Variants in ZNF385B observed in about 807,000 individuals in gnomAD.
ZNF385B encodes the protein zinc finger protein 533.
Under a neutral mutation model 39.2 loss-of-function variants are expected in ZNF385B, and 23 were observed. The ratio of observed to expected loss-of-function variants is 0.59; its 90% CI spans 0.42 to 0.83. The LOEUF is 0.83. Among genes scored for constraint, ZNF385B ranks in the 40% least tolerant of loss-of-function variants. ZNF385B has a pLI of 0.00. For synonymous variants in ZNF385B, 205 were observed against 222.6 expected (o/e 0.92, Z 0.70); for missense variants, 552 against 598.9 (o/e 0.92, Z 0.82).
intron 1 of ZNF385B, among the ~76,000 whole-genome samples, chr2:179,857,764 A>G (rs904215174): frequency 2.0e-5 from 3 of 152,210 alleles, no homozygotes; most frequent in Non-Finnish European, 4.4e-5. Flanking sequence ...GAAATGTATC[A>G]TGGAGCCAAT....
intron 5 of ZNF385B, among the ~76,000 whole-genome samples, chr2:179,493,672 T>TAC (rs2055641847): frequency 7.0e-6 from 1 of 143,818 alleles, no homozygotes; most frequent in Non-Finnish European, 1.5e-5. Context: ...TATATGCATA[T>TAC]GCATATACAT....
chr2:179,857,315 G>A (rs1173774788), intron 1 of ZNF385B, among the ~76,000 whole-genome samples: 1 of 152,176 alleles, frequency 6.6e-6, no homozygotes, highest in Non-Finnish European at 1.5e-5. Context: ...AGGCAAGGTT[G>A]GTGCAGTGCC....
intron 1 of ZNF385B, among the ~76,000 whole-genome samples, chr2:179,778,631 T>G (rs1421736255): frequency 6.6e-6 from 1 of 152,224 alleles, no homozygotes; most frequent in Non-Finnish European, 1.5e-5. Context: ...AAAGTACAGG[T>G]AGAGTCAAAG....
chr2:179,476,840 G>A (rs73037365), intron 6 of ZNF385B, among the ~76,000 whole-genome samples: 2,885 of 152,220 alleles, frequency 0.019, 85 homozygotes, highest in African/African-American at 0.066. Context: ...ACTCATTTAT[G>A]TTCTACATGA....
chr2:179,483,130 T>C, intron 6 of ZNF385B, 142 bp downstream of exon 6: 1 of 897,914 alleles, frequency 1.1e-6, no homozygotes, highest in Non-Finnish European at 1.7e-6. Flanking sequence ...AAACATATAA[T>C]CCTTCCCGTG....
rs115351995 is a variant in ZNF385B, at chr2:179,624,836, A to G, written c.299-79867T>C. On this transcript the variant is annotated intron_variant, in intron 3 of 9. Transcript: ENST00000410066. ...GCAGATGAATTTGCTTTCAACCAACAATCATAAATGCCTATCATCTAGGCC... is the reference window on the plus strand; with the variant it reads ...GCAGATGAATTTGCTTTCAACCAACGATCATAAATGCCTATCATCTAGGCC... Among the ~76,000 whole-genome samples the G allele has an allele frequency of 3.5e-3, 531 of 152,300 alleles. 1 individual carries two copies. Among genetic ancestry groups the G allele is most frequent in the Non-Finnish European group, 6.5e-3 (440 of 68,020 alleles).
chr2:179,701,032 AAAAAC>A (rs1335695912), intron 3 of ZNF385B, among the ~76,000 whole-genome samples: 2 of 152,164 alleles, frequency 1.3e-5, no homozygotes, highest in Admixed American at 6.5e-5. Flanking sequence ...AAACAAAAAC[AAAAAC>A]AAAACAAAAA....
At chr2:179,489,086 T>A (rs1000311594) in intron 5 of ZNF385B, among the ~76,000 whole-genome samples, 1 of 152,016 alleles carries the variant, frequency 6.6e-6, no homozygotes, top group African/African-American at 2.4e-5. Context: ...ATTGAGGAAA[T>A]CAAGGAAGCT....
chr2:179,574,209 T>C (rs764638036), intron 3 of ZNF385B, among the ~76,000 whole-genome samples: 3 of 152,164 alleles, frequency 2.0e-5, no homozygotes, highest in Non-Finnish European at 2.9e-5. Context: ...AGGGAAAATA[T>C]AGGTAAACCA....
chr2:179,647,378 C>T (rs1239924272), intron 3 of ZNF385B, among the ~76,000 whole-genome samples: 2 of 151,936 alleles, frequency 1.3e-5, no homozygotes, highest in African/African-American at 4.8e-5. Flanking sequence ...CTGAAGTGTC[C>T]AGCCCATTGC....
rs990583920 is a variant in ZNF385B, at chr2:179,769,860, A to G, written c.-2-58T>C. ...AATGATATATGCCTTATTTTCTAGT[A>G]TGATTACAATTAATCTTTAAGGGTT... On this transcript the variant is annotated intron_variant, in intron 2 of 9. Coordinates refer to ENST00000410066, the MANE Select transcript of ZNF385B (RefSeq NM_152520.6). 2.3e-5 allele frequency: 34 copies of G among 1,457,288 alleles called. 1 individual carries two copies. In the Admixed American group the frequency reaches 6.0e-4, roughly 26 times the overall value. 90.3% of individuals were successfully genotyped at this position (1,457,288 alleles called of 1,614,324 possible).
At chr2:179,451,752 G>A (rs137915186) in intron 6 of ZNF385B, among the ~76,000 whole-genome samples, 25 of 152,048 alleles carry the variant, frequency 1.6e-4, no homozygotes, top group African/African-American at 5.1e-4. Context: ...TTGAATAGTG[G>A]CATTCTTTCT....
chr2:179,766,119 G>T (rs16866984), intron 3 of ZNF385B, among the ~76,000 whole-genome samples: 9,679 of 151,010 alleles, frequency 0.064, 603 homozygotes, highest in Admixed American at 0.2. Flanking sequence ...CTAAAGCTCA[G>T]ATCTAAAAGT....
chr2:179,582,431 T>A (rs542049113), intron 3 of ZNF385B, among the ~76,000 whole-genome samples: 1 of 152,294 alleles, frequency 6.6e-6, no homozygotes, highest in East Asian at 1.9e-4. Flanking sequence ...AATGGAGAGC[T>A]GCTAGTCAGG....
intron 3 of ZNF385B, among the ~76,000 whole-genome samples, chr2:179,553,251 A>G (rs2060695636): frequency 6.7e-6 from 1 of 149,082 alleles, no homozygotes; most frequent in African/African-American, 2.5e-5. Context: ...TTAGTGTAGT[A>G]TCTGATACTT....
chr2:179,563,460 C>T lies in ZNF385B; in HGVS notation c.299-18491G>A, dbSNP rs558131126. 2.6e-5 allele frequency among the ~76,000 whole-genome samples: 4 copies of T among 152,294 alleles called. No individual in the cohort carries two copies. In the East Asian group the frequency reaches 7.7e-4, roughly 29 times the overall value. ...TTGGTTGGGCAACTTAGCACATTTA[C>T]TAACCACAGCCAACACTTTAGTGAC... On this transcript the variant is annotated intron_variant, in intron 3 of 9. Transcript: ENST00000410066.
intron 3 of ZNF385B, among the ~76,000 whole-genome samples, chr2:179,733,688 C>G (rs944255460): frequency 1.3e-5 from 2 of 151,450 alleles, no homozygotes; most frequent in African/African-American, 4.9e-5. Context: ...GAGGCGGAGG[C>G]CGGAGAATGG....
intron 3 of ZNF385B, among the ~76,000 whole-genome samples, chr2:179,569,222 A>G (rs1684936533): frequency 6.6e-6 from 1 of 152,168 alleles, no homozygotes; most frequent in East Asian, 1.9e-4. Context: ...TTTTACCACT[A>G]TGTTATGCTG....
intron 1 of ZNF385B, among the ~76,000 whole-genome samples, chr2:179,832,808 C>T (rs1417881039): frequency 6.6e-6 from 1 of 152,166 alleles, no homozygotes; most frequent in Admixed American, 6.5e-5. Context: ...ACCGAATACA[C>T]ATTATGCAAT....
Sources: allele counts gnomAD v4.1 joint callset (sites outside exome capture counted in the v4.1 genomes callset), GRCh38; gene constraint gnomAD v4.1.1; transcripts MANE v1.5; gene names NCBI Gene and HGNC (gene_info 2026-07-23, HGNC 2026-07-21).